Variants in PRIM2 observed in about 807,000 individuals in gnomAD.
PRIM2 encodes DNA primase large subunit.
Under a neutral mutation model 67.3 loss-of-function variants are expected in PRIM2, and 39 were observed. That is an observed-to-expected ratio of 0.58 (90% confidence interval 0.45 to 0.76). The LOEUF is 0.76. PRIM2 is among the 30% of genes least tolerant of loss of function. The pLI is 0.00. For missense variants in PRIM2, 398 were observed against 598.7 expected, an observed-to-expected ratio of 0.66 and a Z score of 3.50; for synonymous variants, 143 against 198.7, an observed-to-expected ratio of 0.72 and a Z score of 2.36.
At chr6:57,587,525 G>T (rs1391945220) in intron 10 of PRIM2, among the ~76,000 whole-genome samples, 1 of 151,862 alleles carries the variant, frequency 6.6e-6, no homozygotes, top group East Asian at 1.9e-4. Context: ...TTAGCTGGGC[G>T]TGGTGGCGGA....
intron 10 of PRIM2, among the ~76,000 whole-genome samples, chr6:57,552,356 G>A (rs2127475345): frequency 6.6e-6 from 1 of 152,094 alleles, no homozygotes; most frequent in Admixed American, 6.5e-5. Context: ...TGTGACTCTA[G>A]GACTGATAAG....
intron 13 of PRIM2, among the ~76,000 whole-genome samples, chr6:57,642,848 T>C (rs1777270683): frequency 2.0e-5 from 3 of 152,206 alleles, no homozygotes; most frequent in Non-Finnish European, 2.9e-5. Flanking sequence ...ATCTTTCTTT[T>C]ATAAACTATA....
intron 7 of PRIM2, among the ~76,000 whole-genome samples, chr6:57,440,962 C>G (rs1772185804): frequency 6.6e-6 from 1 of 152,082 alleles, no homozygotes; most frequent in Non-Finnish European, 1.5e-5. Context: ...AGTATCAGAT[C>G]CTCTCATTGA....
chr6:57,530,156 C>G (rs1302834858), intron 8 of PRIM2, among the ~76,000 whole-genome samples: 109 of 152,236 alleles, frequency 7.2e-4, no homozygotes, highest in East Asian at 3.5e-3. Context: ...CAAACCATAG[C>G]ACATGTGTGT....
the PRIM2 span, among the ~76,000 whole-genome samples, chr6:57,271,201 T>C: frequency 1.3e-5 from 2 of 152,236 alleles, no homozygotes; most frequent in African/African-American, 2.4e-5. Flanking sequence ...TCAGAAGGAA[T>C]GGTACCAGCT....
chr6:57,507,377 C>G lies in PRIM2; in HGVS notation c.694-10C>G, dbSNP rs1554347298. 6.6e-7 allele frequency: 1 copy of G among 1,508,204 alleles called. No individual in the cohort carries two copies. Among genetic ancestry groups the G allele is most frequent in the South Asian group, 1.2e-5 (1 of 80,504 alleles). 93.4% of individuals were successfully genotyped at this position (1,508,204 alleles called of 1,614,324 possible). A position where few individuals can be genotyped will look rare whatever the true frequency, so the allele number is the denominator to read the frequency against. On this transcript the variant is annotated splice_polypyrimidine_tract_variant and intron_variant, in intron 7 of 13. Transcript: ENST00000615550. ...TTGCTGTTTTTACTAATTTTCTTCC[C>G]TGCTTTTAGTTAACAGCCAGGTCCT...
At chr6:57,417,116 A>G (rs1203980516) in intron 7 of PRIM2, among the ~76,000 whole-genome samples, 1 of 151,730 alleles carries the variant, frequency 6.6e-6, no homozygotes, top group African/African-American at 2.4e-5. Flanking sequence ...ACAGGCATGC[A>G]CCACCATACC....
Position 57,345,472 on chromosome 6 carries a change from ATATGTG to A in PRIM2, c.459+19429_459+19434del, listed in dbSNP as rs1281074132. Among the ~76,000 whole-genome samples the A allele has an allele frequency of 1.2e-3, 92 of 79,898 alleles. 2 individuals are homozygous for A. The highest frequency in any genetic ancestry group is 0.01 in the South Asian group (21 of 2,088). 52.4% of individuals were successfully genotyped at this position (79,898 alleles called of 152,430 possible). A position where few individuals can be genotyped will look rare whatever the true frequency, so the allele number is the denominator to read the frequency against. Reference sequence around the variant, plus strand: ...GTGAGCCACCATGCCTGATATATATATATGTGTGTGTGTGTGTGTGTGTGTGTGTGT... The same window carrying A: ...GTGAGCCACCATGCCTGATATATATATGTGTGTGTGTGTGTGTGTGTGTGT... On this transcript the variant is annotated intron_variant, in intron 5 of 13. Transcript: ENST00000615550.
the PRIM2 span, among the ~76,000 whole-genome samples, chr6:57,281,325 A>G: frequency 6.6e-6 from 1 of 152,118 alleles, no homozygotes; most frequent in Admixed American, 6.6e-5. Context: ...CAGCAGTGGA[A>G]TTGCTGGATC....
chr6:57,392,078 C>G (rs562754115), intron 7 of PRIM2, among the ~76,000 whole-genome samples: 1 of 151,922 alleles, frequency 6.6e-6, no homozygotes, highest in Admixed American at 6.6e-5. Context: ...CTTATTGTTG[C>G]GATCTTTCAC....
chr6:57,343,777 T>G (rs1339705356), intron 5 of PRIM2, among the ~76,000 whole-genome samples: 1 of 152,122 alleles, frequency 6.6e-6, no homozygotes, highest in Non-Finnish European at 1.5e-5. Flanking sequence ...ATTCATGTCA[T>G]TTGTTAAGGA....
intron 8 of PRIM2, among the ~76,000 whole-genome samples, chr6:57,518,297 C>G (rs1463563729): frequency 6.6e-6 from 1 of 152,208 alleles, no homozygotes; most frequent in African/African-American, 2.4e-5. Context: ...CTTCTCAGGT[C>G]TTACTGAGGT....
intron 12 of PRIM2, among the ~76,000 whole-genome samples, chr6:57,626,654 T>G (rs1224894822): frequency 6.6e-6 from 1 of 151,048 alleles, no homozygotes; most frequent in African/African-American, 2.4e-5. Context: ...AGACAGGGTC[T>G]CATTCTGTCA....
rs1411839664 is a variant in PRIM2, at chr6:57,410,352, A to G, written c.693+28184A>G. On this transcript the variant is annotated intron_variant, in intron 7 of 13. Transcript: ENST00000615550. Reference sequence around the variant, plus strand: ...ATCTCAAAAAAAAAAAAAAAAAAGAAAGAAAGAAAGAAAAGAAAAGACTTT... The same window carrying G: ...ATCTCAAAAAAAAAAAAAAAAAAGAGAGAAAGAAAGAAAAGAAAAGACTTT... Among the ~76,000 whole-genome samples the G allele has an allele frequency of 4.0e-5, 6 of 150,868 alleles. No homozygotes were observed. The East Asian group carries it at 1.2e-3, about 29-fold the overall frequency.
the PRIM2 span, among the ~76,000 whole-genome samples, chr6:57,236,020 A>G: frequency 1.2e-4 from 18 of 152,180 alleles, 1 homozygote; most frequent in South Asian, 3.3e-3. Context: ...TGGACTTCTG[A>G]CCTCTAGAAT....
intron 7 of PRIM2, among the ~76,000 whole-genome samples, chr6:57,406,659 G>A (rs1770902052): frequency 1.3e-5 from 2 of 152,036 alleles, no homozygotes; most frequent in South Asian, 4.2e-4. Flanking sequence ...AGGAATGAGA[G>A]AATTGAGAAT....
At chr6:57,473,505 T>C (rs1462910240) in intron 7 of PRIM2, among the ~76,000 whole-genome samples, 37 of 152,226 alleles carry the variant, frequency 2.4e-4, no homozygotes, top group African/African-American at 8.7e-4. Context: ...GCATGGATGT[T>C]TGTAAAGGGC....
intron 12 of PRIM2, among the ~76,000 whole-genome samples, chr6:57,631,198 T>C (rs1364655145): frequency 6.6e-6 from 1 of 152,164 alleles, no homozygotes; most frequent in East Asian, 1.9e-4. Flanking sequence ...TGAGACCCCA[T>C]GTTCATTTCT....
intron 12 of PRIM2, among the ~76,000 whole-genome samples, chr6:57,608,600 T>C (rs1776603447): frequency 6.6e-6 from 1 of 151,704 alleles, no homozygotes; most frequent in South Asian, 2.1e-4. Context: ...GGCATGCAAC[T>C]GTAGCCTCAG....
Sources: allele counts gnomAD v4.1 joint callset (sites outside exome capture counted in the v4.1 genomes callset), GRCh38; gene constraint gnomAD v4.1.1; transcripts MANE v1.5; gene names NCBI Gene and HGNC (gene_info 2026-07-23, HGNC 2026-07-21).